CLDN10: variants seen among roughly 807,000 people sequenced by gnomAD.
CLDN10 encodes claudin 10.
CLDN10 carries 15 observed loss-of-function variants against 22.9 expected under a neutral mutation model. The observed-to-expected ratio is 0.65, with a 90% CI of 0.44 to 1.01. The LOEUF (loss-of-function observed/expected upper bound fraction) is 1.01. CLDN10 is among the 50% of genes least tolerant of loss of function. The pLI, the probability that CLDN10 is intolerant of heterozygous loss-of-function variation, is 0.00. For synonymous variants in CLDN10, 114 were observed against 111.4 expected (o/e 1.02, Z -0.15); for missense variants, 247 against 287.8 (o/e 0.86, Z 1.03).
chr13:95,434,385 G>A (rs953375206), intron 1 of CLDN10, among the ~76,000 whole-genome samples: 1 of 151,226 alleles, frequency 6.6e-6, no homozygotes, highest in Non-Finnish European at 1.5e-5. Flanking sequence ...CCCCTATGTA[G>A]GAAATGCTCT....
intron 1 of CLDN10, among the ~76,000 whole-genome samples, chr13:95,519,362 C>T (rs947742871): frequency 7.9e-5 from 12 of 152,142 alleles, no homozygotes; most frequent in Non-Finnish European, 1.6e-4. Context: ...AAAGGGCTGC[C>T]GCCGCCATTG....
At chr13:95,528,102 C>T (rs1288278526) in intron 1 of CLDN10, among the ~76,000 whole-genome samples, 2 of 152,116 alleles carry the variant, frequency 1.3e-5, no homozygotes, top group African/African-American at 4.8e-5. Flanking sequence ...TCTATAATGC[C>T]ACCATATACA....
intron 3 of CLDN10, among the ~76,000 whole-genome samples, chr13:95,571,201 T>C (rs965472085): frequency 2.0e-5 from 3 of 152,068 alleles, no homozygotes; most frequent in African/African-American, 7.2e-5. Context: ...TATTAATATA[T>C]ACAATTTATA....
chr13:95,572,684 G>T (rs575478185), intron 3 of CLDN10, among the ~76,000 whole-genome samples: 42 of 152,198 alleles, frequency 2.8e-4, no homozygotes, highest in Non-Finnish European at 2.6e-4. Flanking sequence ...TCTTTTTATT[G>T]TTTGATCACA....
chr13:95,534,733 A>T (rs2043381992), intron 1 of CLDN10, among the ~76,000 whole-genome samples: 1 of 152,078 alleles, frequency 6.6e-6, no homozygotes, highest in Non-Finnish European at 1.5e-5. Flanking sequence ...TTAAATTATA[A>T]CTCTGCCTCT....
rs771336276 is a variant in CLDN10, at chr13:95,578,218, ATAAAC to A, written c.*205_*209del. On this transcript the variant is annotated 3_prime_UTR_variant, in exon 5 of 5. Coordinates refer to ENST00000299339, the MANE Select transcript of CLDN10 (RefSeq NM_006984.5). ...TTTCTGTTGTGGCTTTCTATAAAAA[ATAAAC>A]AGTTTATTTACAGGATTTGTAAAAT... 3.9e-5 allele frequency: 15 copies of A among 386,138 alleles called. No homozygotes were observed. Among genetic ancestry groups the A allele is most frequent in the Non-Finnish European group, 6.0e-5 (13 of 216,144 alleles). The allele number at this position is 386,138 out of a possible 1,614,324, so 23.9% of individuals were successfully genotyped here.
chr13:95,477,119 A>G (rs904365628), intron 1 of CLDN10, among the ~76,000 whole-genome samples: 7 of 152,244 alleles, frequency 4.6e-5, no homozygotes, highest in African/African-American at 1.7e-4. Flanking sequence ...CACTGAAGAG[A>G]GAGTTTCTTA....
intron 1 of CLDN10, among the ~76,000 whole-genome samples, chr13:95,490,245 C>T (rs1594558423): frequency 6.6e-6 from 1 of 152,212 alleles, no homozygotes; most frequent in East Asian, 1.9e-4. Flanking sequence ...TTTTTTCCAA[C>T]TCTGTGAAGA....
intron 1 of CLDN10, among the ~76,000 whole-genome samples, chr13:95,481,114 C>T (rs950709504): frequency 9.2e-5 from 14 of 152,138 alleles, no homozygotes; most frequent in African/African-American, 3.4e-4. Flanking sequence ...AGAATGGACC[C>T]CAGAGAGGAA....
Position 95,472,732 on chromosome 13 carries a change from C to CAA in CLDN10, c.214+38688_214+38689dup, listed in dbSNP as rs535175423. Among the ~76,000 whole-genome samples, 18 of 150,384 alleles carry CAA rather than the reference C, an allele frequency of 1.2e-4. No homozygotes were observed. The South Asian group carries it at 3.8e-3, about 32-fold the overall frequency. ...TACAGGTAAAACAGAAACTCTAAGG[C>CAA]AAAAGGGAGCTGATTCCCGTAGCAA... On this transcript the variant is annotated intron_variant, in intron 1 of 4. Transcript: ENST00000376873.
At chr13:95,471,453 A>ATATATATTTTTT (rs776857009) in intron 1 of CLDN10, among the ~76,000 whole-genome samples, 67 of 106,376 alleles carry the variant, frequency 6.3e-4, no homozygotes, top group African/African-American at 2.6e-3. Context: ...ATATATATAT[A>ATATATATTTTTT]TTTTTTTTTT....
At chr13:95,535,165 A>G (rs1594594860) in intron 1 of CLDN10, among the ~76,000 whole-genome samples, 2 of 152,212 alleles carry the variant, frequency 1.3e-5, no homozygotes, top group East Asian at 3.8e-4. Context: ...AGATCCTAGG[A>G]TACCTTTTGT....
chr13:95,478,017 C>T (rs111391278), intron 1 of CLDN10, among the ~76,000 whole-genome samples: 2,556 of 152,276 alleles, frequency 0.017, 79 homozygotes, highest in African/African-American at 0.058. Flanking sequence ...TTTTAAAAAG[C>T]TCTGGAGGCC....
chr13:95,495,760 A>AAAAAAAAAAAG (rs1162651391), intron 1 of CLDN10, among the ~76,000 whole-genome samples: 1 of 129,272 alleles, frequency 7.7e-6, no homozygotes. Flanking sequence ...AAAAAAAAAG[A>AAAAAAAAAAAG]AAAGAAAGAA....
At chr13:95,536,094 A>T (rs2043397262) in intron 1 of CLDN10, among the ~76,000 whole-genome samples, 1 of 152,134 alleles carries the variant, frequency 6.6e-6, no homozygotes, top group African/African-American at 2.4e-5. Context: ...AAGTCTATTG[A>T]GATGGTCAGT....
At chr13:95,543,860 T>C (rs2043483299) in intron 1 of CLDN10, among the ~76,000 whole-genome samples, 1 of 152,026 alleles carries the variant, frequency 6.6e-6, no homozygotes, top group Admixed American at 6.5e-5. Context: ...AGCAATTATT[T>C]GAGGATTAAT....
chr13:95,444,213 G>A (rs1017789622), intron 1 of CLDN10, among the ~76,000 whole-genome samples: 4 of 152,224 alleles, frequency 2.6e-5, no homozygotes, highest in South Asian at 2.1e-4. Context: ...AGCAAATGGT[G>A]TGCTGGGCTT....
intron 1 of CLDN10, among the ~76,000 whole-genome samples, chr13:95,457,726 C>T (rs1396240484): frequency 6.6e-6 from 1 of 152,038 alleles, no homozygotes; most frequent in African/African-American, 2.4e-5. Flanking sequence ...ACAGAAGAGG[C>T]AGCCTGGGTA....
At chr13:95,434,426 CCTCTCTCTCTCT>C (rs56066236) in intron 1 of CLDN10, among the ~76,000 whole-genome samples, 4 of 147,596 alleles carry the variant, frequency 2.7e-5, no homozygotes, top group Admixed American at 1.4e-4. Context: ...TCCCTCTCTT[CCTCTCTCTCTCT>C]CTCTCTGTCT....
Sources: gnomAD v4.1 joint callset for allele counts (sites outside exome capture counted in the v4.1 genomes callset) on GRCh38, gnomAD v4.1.1 for gene constraint, MANE v1.5 for transcripts, NCBI Gene and HGNC (gene_info 2026-07-23, HGNC 2026-07-21) for gene names.